HTR4: variants seen among roughly 807,000 people sequenced by gnomAD.
HTR4 encodes 5-hydroxytryptamine receptor 4.
A neutral mutation model predicts 36.8 loss-of-function variants in HTR4; 16 were observed. That is an observed-to-expected ratio of 0.43 (90% CI 0.29 to 0.66). The LOEUF is 0.66. HTR4 is among the 30% of genes least tolerant of loss of function. The probability of loss-of-function intolerance (pLI) is 0.13; values close to 1 mark genes in which losing one functional copy is unlikely to be tolerated. For synonymous variants in HTR4, 189 were observed against 185.1 expected (o/e 1.02, Z -0.17); for missense variants, 438 against 490.9 (o/e 0.89, Z 1.02).
At chr5:148,460,022 CTTA>C (rs1425692722) in intron 5 of HTR4, among the ~76,000 whole-genome samples, 1 of 151,968 alleles carries the variant, frequency 6.6e-6, no homozygotes, top group African/African-American at 2.4e-5. Flanking sequence ...CTTTGATGGA[CTTA>C]TTAGTAGACT....
intron 5 of HTR4, among the ~76,000 whole-genome samples, chr5:148,470,720 G>A (rs577501972): frequency 1.6e-4 from 25 of 152,128 alleles, no homozygotes; most frequent in African/African-American, 3.1e-4. Context: ...ATGGAGTCTC[G>A]TTCTGCTGCC....
At chr5:148,457,387 T>G (rs1755125099) in intron 5 of HTR4, among the ~76,000 whole-genome samples, 1 of 151,958 alleles carries the variant, frequency 6.6e-6, no homozygotes. Context: ...GGGAGCCACA[T>G]TAGATTTGGT....
chr5:148,530,347 T>C (rs1758497804), intron 4 of HTR4, among the ~76,000 whole-genome samples: 1 of 151,968 alleles, frequency 6.6e-6, no homozygotes, highest in African/African-American at 2.4e-5. Flanking sequence ...AGACCCAGGG[T>C]CCCTGTACTA....
At chr5:148,617,506 T>C (rs1752747536) in intron 2 of HTR4, among the ~76,000 whole-genome samples, 1 of 151,790 alleles carries the variant, frequency 6.6e-6, no homozygotes, top group Non-Finnish European at 1.5e-5. Flanking sequence ...TCTTGCCCTG[T>C]CACACAGGCT....
At chr5:148,547,209 G>C (rs1383758347) in intron 4 of HTR4, among the ~76,000 whole-genome samples, 1 of 152,132 alleles carries the variant, frequency 6.6e-6, no homozygotes, top group African/African-American at 2.4e-5. Context: ...ACCTCCCCCA[G>C]TGTGATTAAT....
intron 2 of HTR4, among the ~76,000 whole-genome samples, chr5:148,594,573 CT>C (rs1340459257): frequency 6.6e-6 from 1 of 152,222 alleles, no homozygotes; most frequent in African/African-American, 2.4e-5. Flanking sequence ...TGGGCCTCCC[CT>C]GACTTCATTT....
chr5:148,474,339 G>A (rs1281683613), downstream of HTR4, among the ~76,000 whole-genome samples: 1 of 152,024 alleles, frequency 6.6e-6, no homozygotes, highest in Admixed American at 6.6e-5. Flanking sequence ...GGTGGTGTGG[G>A]GGGGCTGATC....
intron 2 of HTR4, among the ~76,000 whole-genome samples, chr5:148,591,273 CT>C (rs2127258453): frequency 6.6e-6 from 1 of 152,176 alleles, no homozygotes. Flanking sequence ...ACGCCTCCAT[CT>C]TTGTTCTTTT....
At chr5:148,451,947 G>GC (rs1462938186) in intron 5 of HTR4, among the ~76,000 whole-genome samples, 5 of 152,168 alleles carry the variant, frequency 3.3e-5, no homozygotes, top group African/African-American at 1.2e-4. Context: ...GCATCTGGCA[G>GC]CCATTCCTAT....
At chr5:148,574,037 G>A (rs1760785859) in intron 2 of HTR4, among the ~76,000 whole-genome samples, 3 of 152,016 alleles carry the variant, frequency 2.0e-5, no homozygotes, top group Non-Finnish European at 2.9e-5. Flanking sequence ...CATTTAAAAC[G>A]GAGAGAAACA....
At chr5:148,601,818 G>T (rs1030461451) in intron 2 of HTR4, among the ~76,000 whole-genome samples, 1 of 151,964 alleles carries the variant, frequency 6.6e-6, no homozygotes, top group Admixed American at 6.6e-5. Context: ...AAATAAATAG[G>T]AATTCTACCA....
chr5:148,617,770 C>T (rs1377649671), intron 2 of HTR4, among the ~76,000 whole-genome samples: 1 of 152,020 alleles, frequency 6.6e-6, no homozygotes, highest in Non-Finnish European at 1.5e-5. Flanking sequence ...CCCAGCCTAA[C>T]CTAGTCAAGT....
intron 2 of HTR4, among the ~76,000 whole-genome samples, chr5:148,631,846 ATGT>A (rs1407074490): frequency 6.6e-6 from 1 of 152,110 alleles, no homozygotes. Context: ...TTTTTAATTA[ATGT>A]TGTTGCATGT....
At chr5:148,459,973 G>T (rs1755224007) in intron 5 of HTR4, among the ~76,000 whole-genome samples, 1 of 152,120 alleles carries the variant, frequency 6.6e-6, no homozygotes, top group Admixed American at 6.6e-5. Context: ...AAGTAGAAAT[G>T]TTAAAGGTCA....
At position 148,644,969 on chromosome 5, in the gene HTR4, T is replaced by C. The variant is rs111605190; in HGVS notation, c.-47-7908A>G. The C allele has an allele frequency of 1.9e-3, 292 of 152,340 alleles. 2 individuals carry two copies. The highest frequency in any genetic ancestry group is 6.7e-3 in the African/African-American group (279 of 41,576). 9.4% of individuals were successfully genotyped at this position (152,340 alleles called of 1,614,324 possible). A position where few individuals can be genotyped will look rare whatever the true frequency, so the allele number is the denominator to read the frequency against. On this transcript the variant is annotated intron_variant, in intron 1 of 6. Transcript: ENST00000377888. ...AAATCTAATATGAATACACTGTTCT[T>C]GGTATATTGTATTTGTTTTTACAGT...
At chr5:148,599,639 G>A (rs1165602185) in intron 2 of HTR4, among the ~76,000 whole-genome samples, 1 of 151,610 alleles carries the variant, frequency 6.6e-6, no homozygotes, top group Non-Finnish European at 1.5e-5. Context: ...TTCTCTTTAC[G>A]AAGAAAAATG....
chr5:148,509,328 T>C (rs1757378305), intron 6 of HTR4, 128 bp downstream of exon 6: 1 of 668,748 alleles, frequency 1.5e-6, no homozygotes, highest in Admixed American at 3.1e-5. Context: ...GATAGTAGAA[T>C]CTTTTATAAT....
At chr5:148,519,298 T>C (rs1051367189) in intron 5 of HTR4, among the ~76,000 whole-genome samples, 7 of 152,200 alleles carry the variant, frequency 4.6e-5, no homozygotes, top group Admixed American at 6.6e-5. Flanking sequence ...AAAATTATTA[T>C]GTGAACCCTT....
chr5:148,465,895 C>A, intron 5 of HTR4: 2 of 1,612,752 alleles, frequency 1.2e-6, no homozygotes, highest in Non-Finnish European at 1.7e-6. Flanking sequence ...TGCAGAAGAG[C>A]AGGAGGAAGC....
Sources: allele counts gnomAD v4.1 joint callset (sites outside exome capture counted in the v4.1 genomes callset), GRCh38; gene constraint gnomAD v4.1.1; transcripts MANE v1.5; gene names NCBI Gene and HGNC (gene_info 2026-07-23, HGNC 2026-07-21).